Variants in SPON1 observed in about 807,000 individuals in gnomAD.
SPON1 encodes the protein spondin 1, also known as spondin-1.
Under a neutral mutation model 111.7 loss-of-function variants are expected in SPON1, and 52 were observed. That is an observed-to-expected ratio of 0.47 (90% CI 0.37 to 0.59). SPON1 has a LOEUF of 0.59. Among genes scored for constraint, SPON1 ranks in the 20% least tolerant of loss-of-function variants. SPON1 has a pLI of 0.00. For synonymous variants in SPON1, 410 were observed against 395.8 expected (o/e 1.04, Z -0.43); for missense variants, 957 against 1,068.5 (o/e 0.90, Z 1.46).
At chr11:14,214,383 T>C (rs1244854589) in intron 6 of SPON1, among the ~76,000 whole-genome samples, 1 of 152,144 alleles carries the variant, frequency 6.6e-6, no homozygotes, top group Admixed American at 6.5e-5. Flanking sequence ...CTTGCATAGA[T>C]AGGTGGTTCC....
intron 3 of SPON1, among the ~76,000 whole-genome samples, chr11:14,049,174 T>G (rs782079478): frequency 5.3e-5 from 8 of 152,204 alleles, no homozygotes; most frequent in Non-Finnish European, 8.8e-5. Flanking sequence ...TCTGTGATCT[T>G]CATACTGTAC....
At chr11:14,238,640 G>A (rs191087446) in intron 6 of SPON1, among the ~76,000 whole-genome samples, 1 of 152,284 alleles carries the variant, frequency 6.6e-6, no homozygotes, top group East Asian at 1.9e-4. Flanking sequence ...TCCCAGATCT[G>A]TTTTCATTCC....
chr11:13,967,441 T>A (rs1848026292), intron 1 of SPON1, among the ~76,000 whole-genome samples: 1 of 151,920 alleles, frequency 6.6e-6, no homozygotes, highest in Non-Finnish European at 1.5e-5. Context: ...ACTAGAGGAT[T>A]AATTTAGAAA....
chr11:14,058,924 A>G (rs1437152725), intron 3 of SPON1, among the ~76,000 whole-genome samples: 1 of 152,216 alleles, frequency 6.6e-6, no homozygotes, highest in Non-Finnish European at 1.5e-5. Flanking sequence ...CTTTTGATCT[A>G]CCACAATGCC....
chr11:14,051,621 C>A (rs1591361978), intron 3 of SPON1, among the ~76,000 whole-genome samples: 1 of 152,194 alleles, frequency 6.6e-6, no homozygotes, highest in East Asian at 1.9e-4. Flanking sequence ...ATCTTTAAAC[C>A]ATGAAGAGGG....
intron 1 of SPON1, among the ~76,000 whole-genome samples, chr11:13,964,598 GA>G (rs1302062903): frequency 1.8e-4 from 27 of 152,196 alleles, no homozygotes; most frequent in African/African-American, 5.8e-4. Context: ...AGCACTTTGC[GA>G]GGAACAGTCT....
At chr11:14,042,731 G>T (rs1254878655) in intron 3 of SPON1, among the ~76,000 whole-genome samples, 1 of 152,066 alleles carries the variant, frequency 6.6e-6, no homozygotes, top group Non-Finnish European at 1.5e-5. Flanking sequence ...AACAACTGTG[G>T]TTAACTCCAG....
intron 1 of SPON1, among the ~76,000 whole-genome samples, chr11:13,978,856 G>A (rs1848122856): frequency 6.6e-6 from 1 of 152,194 alleles, no homozygotes; most frequent in Non-Finnish European, 1.5e-5. Flanking sequence ...TTGAAATGTA[G>A]TATGGCAGGG....
intron 2 of SPON1, among the ~76,000 whole-genome samples, chr11:13,996,075 TCA>T (rs1221810562): frequency 5.3e-5 from 8 of 152,040 alleles, no homozygotes; most frequent in Non-Finnish European, 5.9e-5. Context: ...TATTTTTGCC[TCA>T]CACCTCTATT....
intron 2 of SPON1, among the ~76,000 whole-genome samples, chr11:14,000,747 CT>C (rs1348164875): frequency 3.9e-5 from 6 of 152,168 alleles, no homozygotes; most frequent in Non-Finnish European, 7.3e-5. Context: ...CACACACCCC[CT>C]GGCCCCTCCA....
intron 6 of SPON1, among the ~76,000 whole-genome samples, chr11:14,138,131 G>T (rs1438353770): frequency 6.6e-6 from 1 of 152,084 alleles, no homozygotes; most frequent in Non-Finnish European, 1.5e-5. Flanking sequence ...CAATCACTTT[G>T]TCAAAGAACC....
intron 6 of SPON1, among the ~76,000 whole-genome samples, chr11:14,155,081 A>T (rs1377041493): frequency 1.3e-5 from 2 of 152,080 alleles, no homozygotes; most frequent in Non-Finnish European, 2.9e-5. Flanking sequence ...CACTGTCCAT[A>T]TCACTTCAGC....
intron 2 of SPON1, among the ~76,000 whole-genome samples, chr11:13,986,126 C>T (rs1554910300): frequency 2.0e-5 from 3 of 152,160 alleles, no homozygotes; most frequent in Non-Finnish European, 4.4e-5. Flanking sequence ...GTGAGAAAAA[C>T]AGAGATAGTC....
At chr11:14,127,317 A>C (rs576225480) in intron 5 of SPON1, among the ~76,000 whole-genome samples, 1 of 150,102 alleles carries the variant, frequency 6.7e-6, no homozygotes, top group South Asian at 2.1e-4. Context: ...AAAAAAAAAA[A>C]CCCAGTTTTA....
intron 4 of SPON1, among the ~76,000 whole-genome samples, chr11:14,076,695 C>T (rs1005441083): frequency 6.6e-6 from 1 of 152,210 alleles, no homozygotes; most frequent in Non-Finnish European, 1.5e-5. Flanking sequence ...TTGCCTTTGA[C>T]AGATCAATGC....
rs191671638 is a variant in SPON1 at position 14,266,908 on chromosome 11, T to G, written c.*1221T>G. On this transcript the variant is annotated 3_prime_UTR_variant, in exon 16 of 16. Coordinates refer to ENST00000576479, the MANE Select transcript of SPON1 (RefSeq NM_006108.4). ...GTTTACACTGCCTTCCCAGCAATTA[T>G]AAGCACACCAGATTCAGGGAGACTG... is the stretch of plus-strand genomic sequence containing the variant. 2.0e-3 allele frequency: 298 copies of G among 152,340 alleles called. 1 individual carries two copies. The highest frequency in any genetic ancestry group is 6.9e-3 in the African/African-American group (286 of 41,574). The allele number at this position is 152,340 out of a possible 1,614,324, so 9.4% of individuals were successfully genotyped here.
At chr11:14,103,648 C>T (rs142454367) in intron 5 of SPON1, among the ~76,000 whole-genome samples, 2 of 152,310 alleles carry the variant, frequency 1.3e-5, no homozygotes, top group East Asian at 3.9e-4. Context: ...CTGTGCTTCC[C>T]TCTGCTTCTG....
At chr11:14,200,109 C>A (rs1352672923) in intron 6 of SPON1, among the ~76,000 whole-genome samples, 3 of 152,040 alleles carry the variant, frequency 2.0e-5, no homozygotes, top group Non-Finnish European at 4.4e-5. Flanking sequence ...CTCCAGGAAG[C>A]CTTCCATGCT....
At chr11:14,028,502 G>C (rs535547534) in intron 2 of SPON1, among the ~76,000 whole-genome samples, 1 of 151,830 alleles carries the variant, frequency 6.6e-6, no homozygotes, top group African/African-American at 2.4e-5. Flanking sequence ...TTTTAAAAAA[G>C]AATATAGGGT....
Sources: gnomAD v4.1 joint callset for allele counts (sites outside exome capture counted in the v4.1 genomes callset) on GRCh38, gnomAD v4.1.1 for gene constraint, MANE v1.5 for transcripts, NCBI Gene and HGNC (gene_info 2026-07-23, HGNC 2026-07-21) for gene names.